INVS: variants seen among roughly 807,000 people sequenced by gnomAD.
The protein encoded by INVS is inversin.
In INVS, 86 loss-of-function variants were observed where a neutral mutation model predicts 108.8. The observed-to-expected ratio is 0.79, with a 90% CI of 0.66 to 0.95. The LOEUF is 0.95. Ranked by LOEUF, INVS falls within the 40% of genes least tolerant of loss-of-function variation. The pLI is 0.00. For synonymous variants in INVS, 455 were observed against 473.5 expected, an observed-to-expected ratio of 0.96 and a Z score of 0.51; for missense variants, 1,169 against 1,297.4, an observed-to-expected ratio of 0.90 and a Z score of 1.52.
intron 5 of INVS, among the ~76,000 whole-genome samples, chr9:100,231,663 T>A (rs1831517944): frequency 6.6e-6 from 1 of 152,194 alleles, no homozygotes; most frequent in Non-Finnish European, 1.5e-5. Flanking sequence ...TTCAACCATC[T>A]CCCTGCAAAG....
chr9:100,145,436 T>C (rs1052805360), intron 3 of INVS, among the ~76,000 whole-genome samples: 1 of 151,200 alleles, frequency 6.6e-6, no homozygotes, highest in Non-Finnish European at 1.5e-5. Flanking sequence ...GGTGCAAAGA[T>C]AAGAGGTCAG....
chr9:100,143,059 C>A (rs565906053), intron 3 of INVS, among the ~76,000 whole-genome samples: 1 of 152,236 alleles, frequency 6.6e-6, no homozygotes, highest in South Asian at 2.1e-4. Flanking sequence ...GTCTGTGAAG[C>A]CTTGCAGCAG....
chr9:100,195,187 A>C (rs1398470125), intron 3 of INVS, among the ~76,000 whole-genome samples: 1 of 152,206 alleles, frequency 6.6e-6, no homozygotes, highest in Non-Finnish European at 1.5e-5. Flanking sequence ...GAGGCAAAAA[A>C]CTGATAAATG....
chr9:100,128,768 C>T (rs1827960057), intron 3 of INVS, among the ~76,000 whole-genome samples: 1 of 152,112 alleles, frequency 6.6e-6, no homozygotes. Flanking sequence ...CATAAGGGAA[C>T]AATCTACTAT....
At chr9:100,190,826 T>A (rs548454941) in intron 3 of INVS, among the ~76,000 whole-genome samples, 17 of 152,126 alleles carry the variant, frequency 1.1e-4, no homozygotes, top group African/African-American at 4.1e-4. Flanking sequence ...TTAGATACCC[T>A]GATAATTATA....
At chr9:100,142,777 T>A (rs1588034331) in intron 3 of INVS, among the ~76,000 whole-genome samples, 2 of 152,306 alleles carry the variant, frequency 1.3e-5, no homozygotes, top group East Asian at 3.9e-4. Flanking sequence ...CGGCAGCCGC[T>A]GCATGCAGAC....
chr9:100,187,587 C>T (rs973115963), intron 3 of INVS, among the ~76,000 whole-genome samples: 3 of 137,794 alleles, frequency 2.2e-5, no homozygotes, highest in Admixed American at 7.6e-5. Context: ...AGGGCAGTGG[C>T]GTGATCTCAG....
At chr9:100,292,193 T>A in intron 13 of INVS, 133 bp from the exon 14 acceptor site, 1 of 851,604 alleles carries the variant, frequency 1.2e-6, no homozygotes, top group Admixed American at 2.0e-5. Flanking sequence ...AGTTAAACCG[T>A]TTTTTTCCTA....
chr9:100,254,640 G>A (rs925106318), intron 10 of INVS, among the ~76,000 whole-genome samples: 91 of 152,176 alleles, frequency 6.0e-4, no homozygotes, highest in Non-Finnish European at 1.0e-3. Context: ...CATGTGGCTA[G>A]CCAGTTTTCC....
chr9:100,235,237 G>A (rs1303965671), intron 5 of INVS, among the ~76,000 whole-genome samples: 11 of 149,986 alleles, frequency 7.3e-5, no homozygotes, highest in South Asian at 4.2e-4. Context: ...TCCTCCATCC[G>A]TTTATTTTGA....
chr9:100,115,034 T>G (rs973219811), intron 2 of INVS, among the ~76,000 whole-genome samples: 2 of 152,214 alleles, frequency 1.3e-5, no homozygotes, highest in Non-Finnish European at 2.9e-5. Context: ...ATTTTGCATT[T>G]CTACCAACAA....
At chr9:100,176,633 C>T (rs1296595699) in intron 3 of INVS, among the ~76,000 whole-genome samples, 1 of 151,988 alleles carries the variant, frequency 6.6e-6, no homozygotes, top group East Asian at 1.9e-4. Context: ...CATACCACCA[C>T]ACCCAGCTAT....
chr9:100,183,017 C>G lies in INVS; in HGVS notation c.274-43045C>G, dbSNP rs188316136. On this transcript the variant is annotated intron_variant, in intron 3 of 16. Coordinates refer to ENST00000262457, the MANE Select transcript of INVS (RefSeq NM_014425.5). The stretch of plus-strand genomic sequence containing the variant: ...GAAACCATCATTCTCAGCAAACTAA[C>G]ACAGGAACAGAAAACCAAACACCGC... 3.7e-3 allele frequency among the ~76,000 whole-genome samples: 567 copies of G among 152,204 alleles called. 4 individuals are homozygous for G. Among genetic ancestry groups the G allele is most frequent in the African/African-American group, 0.012 (515 of 41,528 alleles).
At chr9:100,261,576 C>A (rs575643665) in intron 10 of INVS, among the ~76,000 whole-genome samples, 94 of 152,216 alleles carry the variant, frequency 6.2e-4, no homozygotes, top group African/African-American at 2.2e-3. Flanking sequence ...AGGAATGCAT[C>A]TTTTATAATT....
chr9:100,141,146 T>C (rs972385002), intron 3 of INVS, among the ~76,000 whole-genome samples: 1 of 152,002 alleles, frequency 6.6e-6, no homozygotes, highest in Non-Finnish European at 1.5e-5. Flanking sequence ...AGACAGAAGA[T>C]AGTAGGGATG....
At chr9:100,106,480 C>A (rs1477404956) in intron 2 of INVS, among the ~76,000 whole-genome samples, 1 of 152,186 alleles carries the variant, frequency 6.6e-6, no homozygotes, top group Non-Finnish European at 1.5e-5. Context: ...CTTTCCCTCA[C>A]GACTGCATTA....
chr9:100,116,074 G>T (rs1241675194), intron 2 of INVS, among the ~76,000 whole-genome samples: 1 of 150,154 alleles, frequency 6.7e-6, no homozygotes, highest in Admixed American at 6.7e-5. Flanking sequence ...TCATGTGTCT[G>T]TTGGCTTTTA....
intron 12 of INVS, among the ~76,000 whole-genome samples, chr9:100,273,603 C>T (rs1209520412): frequency 7.3e-6 from 1 of 137,370 alleles, no homozygotes; most frequent in African/African-American, 2.7e-5. Context: ...AGTGGCACAA[C>T]CTCGGCTCAC....
chr9:100,126,367 T>C lies in INVS; in HGVS notation c.107-16T>C. 6.3e-7 allele frequency: 1 copy of C among 1,598,994 alleles called. No individual in the cohort carries two copies. The highest frequency in any genetic ancestry group is 8.6e-7 in the Non-Finnish European group (1 of 1,166,368). On this transcript the variant is annotated splice_polypyrimidine_tract_variant and intron_variant, in intron 2 of 16. Coordinates refer to ENST00000262457, the MANE Select transcript of INVS (RefSeq NM_014425.5). ...AACAATTATCAAATATCACTATCTG[T>C]TTCTTATCCTTATAGGAAACTCTGC...
Sources: allele counts gnomAD v4.1 joint callset (sites outside exome capture counted in the v4.1 genomes callset), GRCh38; gene constraint gnomAD v4.1.1; transcripts MANE v1.5; gene names NCBI Gene and HGNC (gene_info 2026-07-23, HGNC 2026-07-21).